Variants in AFF3 observed in about 807,000 individuals in gnomAD.
AFF3 encodes the protein AF4/FMR2 family member 3.
Under a neutral mutation model 129.7 loss-of-function variants are expected in AFF3, and 32 were observed. The ratio of observed to expected loss-of-function variants is 0.25; its 90% CI spans 0.19 to 0.33. The LOEUF is 0.33. Among genes scored for constraint, AFF3 ranks in the 10% least tolerant of loss-of-function variants. The probability of loss-of-function intolerance (pLI) is 1.00; values close to 1 mark genes in which losing one functional copy is unlikely to be tolerated. For missense variants in AFF3, 1,373 were observed against 1,592.0 expected, an observed-to-expected ratio of 0.86 and a Z score of 2.34; for synonymous variants, 644 against 635.4, an observed-to-expected ratio of 1.01 and a Z score of -0.20.
At chr2:100,033,041 C>T (rs370813516) in intron 4 of AFF3, among the ~76,000 whole-genome samples, 13 of 152,264 alleles carry the variant, frequency 8.5e-5, no homozygotes, top group African/African-American at 3.1e-4. Context: ...AATCAGCTTG[C>T]CAATTTCCAC....
chr2:99,765,207 T>C (rs556137697), intron 8 of AFF3, among the ~76,000 whole-genome samples: 1 of 152,290 alleles, frequency 6.6e-6, no homozygotes, highest in Admixed American at 6.5e-5. Context: ...GAACTAACTG[T>C]GGCTTGCAAC....
chr2:100,021,733 T>C (rs1573150473), intron 4 of AFF3, among the ~76,000 whole-genome samples: 2 of 152,224 alleles, frequency 1.3e-5, no homozygotes, highest in South Asian at 2.1e-4. Context: ...ATTATGCTCA[T>C]TTTATAGATA....
chr2:100,081,177 G>A (rs1689020799), intron 4 of AFF3, among the ~76,000 whole-genome samples: 1 of 151,982 alleles, frequency 6.6e-6, no homozygotes, highest in Non-Finnish European at 1.5e-5. Context: ...CTCAGGTGAC[G>A]GAAACCCTAA....
intron 5 of AFF3, among the ~76,000 whole-genome samples, chr2:100,008,231 G>A (rs887949283): frequency 1.3e-5 from 2 of 152,172 alleles, no homozygotes; most frequent in African/African-American, 4.8e-5. Context: ...TCAATGTGAA[G>A]CTTAAAGGAA....
At chr2:99,818,252 A>G (rs1344702) in intron 8 of AFF3, among the ~76,000 whole-genome samples, 133,888 of 152,170 alleles carry the variant, frequency 0.88, 59,047 homozygotes, top group African/African-American at 0.95. Flanking sequence ...TCCAAAATCT[A>G]AAACACTTAC....
chr2:99,971,090 T>C (rs922528865), intron 7 of AFF3, among the ~76,000 whole-genome samples: 1 of 152,160 alleles, frequency 6.6e-6, no homozygotes, highest in Non-Finnish European at 1.5e-5. Flanking sequence ...TCTAAATAAC[T>C]CTTTTTATTA....
chr2:99,931,813 G>A (rs1266184070), intron 7 of AFF3, among the ~76,000 whole-genome samples: 1 of 152,170 alleles, frequency 6.6e-6, no homozygotes, highest in Non-Finnish European at 1.5e-5. Flanking sequence ...AGAGGCTGAG[G>A]CACAAGAATC....
chr2:99,828,498 A>G (rs112501026), intron 8 of AFF3, among the ~76,000 whole-genome samples: 47 of 152,294 alleles, frequency 3.1e-4, no homozygotes, highest in African/African-American at 1.1e-3. Flanking sequence ...TGCAGACCAG[A>G]AAGTGGACAA....
intron 13 of AFF3, among the ~76,000 whole-genome samples, chr2:99,612,652 T>A (rs1681045651): frequency 6.6e-6 from 1 of 152,330 alleles, no homozygotes; most frequent in South Asian, 2.1e-4. Context: ...AGTGTTGACT[T>A]TGCTTTTTCC....
intron 13 of AFF3, among the ~76,000 whole-genome samples, chr2:99,635,876 A>G (rs1374542344): frequency 2.4e-4 from 37 of 152,194 alleles, no homozygotes; most frequent in Non-Finnish European, 5.9e-5. Flanking sequence ...GGCCTGGGGC[A>G]GCAAGCATGC....
chr2:100,063,205 C>T (rs900753483), intron 4 of AFF3, among the ~76,000 whole-genome samples: 2 of 145,732 alleles, frequency 1.4e-5, no homozygotes, highest in Non-Finnish European at 3.0e-5. Flanking sequence ...AAGCCAAGAT[C>T]GCGCCACTGC....
intron 7 of AFF3, among the ~76,000 whole-genome samples, chr2:99,874,993 G>C (rs1692176446): frequency 6.6e-6 from 1 of 152,146 alleles, no homozygotes; most frequent in Non-Finnish European, 1.5e-5. Context: ...GGAATTATTT[G>C]TATTATGCTT....
chr2:99,587,312 G>A (rs781348220), intron 15 of AFF3, 34 bp from the exon 16 acceptor site: 9 of 1,612,478 alleles, frequency 5.6e-6, no homozygotes, highest in Admixed American at 1.7e-5. Context: ...AATCAGCACT[G>A]GATTTCAAGA....
chr2:99,577,984 T>G (rs956750974), intron 18 of AFF3, among the ~76,000 whole-genome samples: 2 of 152,200 alleles, frequency 1.3e-5, no homozygotes, highest in Non-Finnish European at 2.9e-5. Flanking sequence ...AAAACAACAA[T>G]GCTTCTCTTT....
At chr2:99,841,455 A>C (rs1689311172) in intron 7 of AFF3, among the ~76,000 whole-genome samples, 1 of 152,246 alleles carries the variant, frequency 6.6e-6, no homozygotes, top group Non-Finnish European at 1.5e-5. Context: ...AGGTGAGGCC[A>C]GGGTGAGGGA....
chr2:100,015,605 G>A (rs1259846974), intron 4 of AFF3, among the ~76,000 whole-genome samples: 4 of 152,160 alleles, frequency 2.6e-5, no homozygotes, highest in African/African-American at 7.2e-5. Flanking sequence ...TAAAGCAAAT[G>A]ATAAAAATTA....
intron 4 of AFF3, among the ~76,000 whole-genome samples, chr2:100,053,611 T>C (rs2105163228): frequency 6.6e-6 from 1 of 152,334 alleles, no homozygotes; most frequent in South Asian, 2.1e-4. Context: ...GACATATCCC[T>C]GAAAAAGAGT....
At chr2:99,682,062 A>T (rs1334054263) in intron 11 of AFF3, among the ~76,000 whole-genome samples, 1 of 152,060 alleles carries the variant, frequency 6.6e-6, no homozygotes, top group Non-Finnish European at 1.5e-5. Context: ...GCCTGCCACC[A>T]CACCCGGCTC....
intron 10 of AFF3, among the ~76,000 whole-genome samples, chr2:99,734,260 T>C (rs1680068590): frequency 6.6e-6 from 1 of 152,224 alleles, no homozygotes; most frequent in Admixed American, 6.5e-5. Context: ...TACAGCAATC[T>C]TGCTAAATTT....
Sources: allele counts gnomAD v4.1 joint callset (sites outside exome capture counted in the v4.1 genomes callset), GRCh38; gene constraint gnomAD v4.1.1; transcripts MANE v1.5; gene names NCBI Gene and HGNC (gene_info 2026-07-23, HGNC 2026-07-21).